Variants in CDH12 observed in about 807,000 individuals in gnomAD.
CDH12 encodes the protein cadherin 12, also known as cadherin-12.
In CDH12, 41 loss-of-function variants were observed where a neutral mutation model predicts 74.1. The observed-to-expected ratio is 0.55, with a 90% CI of 0.43 to 0.72. The LOEUF is 0.72. Among genes scored for constraint, CDH12 ranks in the 30% least tolerant of loss-of-function variants. CDH12 has a pLI of 0.00. For synonymous variants in CDH12, 399 were observed against 355.0 expected, an observed-to-expected ratio of 1.12 and a Z score of -1.39; for missense variants, 945 against 977.2, an observed-to-expected ratio of 0.97 and a Z score of 0.44.
chr5:21,787,615 G>T (rs1230134974), intron 10 of CDH12, among the ~76,000 whole-genome samples: 3 of 152,064 alleles, frequency 2.0e-5, no homozygotes, highest in African/African-American at 7.2e-5. Flanking sequence ...TATATCCAGG[G>T]TATATCTGTA....
In CDH12 at chr5:22,761,013, T is replaced by G. The variant is rs575955237; in HGVS notation, c.-523+92045A>C. On this transcript the variant is annotated intron_variant, in intron 1 of 14. Transcript: ENST00000382254. Reference sequence around the variant, plus strand: ...ATATCAGTTGTTTGAGCAATATGTTTTGCATTCTTATATCATTTTACAAAC... The same window carrying G: ...ATATCAGTTGTTTGAGCAATATGTTGTGCATTCTTATATCATTTTACAAAC... Among the ~76,000 whole-genome samples the G allele has an allele frequency of 1.8e-4, 27 of 152,332 alleles. No homozygotes were observed. In the East Asian group the frequency reaches 4.2e-3, roughly 24 times the overall value.
intron 5 of CDH12, among the ~76,000 whole-genome samples, chr5:21,988,490 T>TAAAA (rs1757610087): frequency 5.5e-5 from 1 of 18,330 alleles, no homozygotes; most frequent in Non-Finnish European, 9.1e-5. Flanking sequence ...AGACTCCGTC[T>TAAAA]CAAAAAAAAA....
chr5:22,225,452 C>G (rs1212800010), intron 3 of CDH12, among the ~76,000 whole-genome samples: 2 of 151,980 alleles, frequency 1.3e-5, no homozygotes, highest in Non-Finnish European at 2.9e-5. Context: ...ACTGAAATGA[C>G]ATTAAAAATC....
intron 5 of CDH12, among the ~76,000 whole-genome samples, chr5:22,077,168 T>C (rs2150223946): frequency 6.6e-6 from 1 of 152,108 alleles, no homozygotes; most frequent in East Asian, 1.9e-4. Flanking sequence ...TTTTTAAACA[T>C]AGATAGGTGC....
In CDH12 at chr5:22,166,079, G is replaced by A. The variant is rs573904908; in HGVS notation, c.-187+46419C>T. On this transcript the variant is annotated intron_variant, in intron 4 of 14. Coordinates refer to ENST00000382254, the MANE Select transcript of CDH12 (RefSeq NM_004061.5). ...TCACTTTACTCTGTGGACTCACCAC[G>A]AATTCTTTTTTGTGTGAAATCCAAG... Among the ~76,000 whole-genome samples the A allele has an allele frequency of 4.6e-5, 7 of 152,188 alleles. No individual in the cohort carries two copies. The South Asian group carries it at 6.2e-4, about 14-fold the overall frequency.
intron 6 of CDH12, chr5:21,883,257 T>C (rs754832600): frequency 1.1e-4 from 143 of 1,350,214 alleles, no homozygotes; most frequent in Non-Finnish European, 1.4e-4. Flanking sequence ...TGATTGAGGG[T>C]ATATTTCTCC....
At chr5:22,631,834 G>A (rs1490354431) in intron 1 of CDH12, among the ~76,000 whole-genome samples, 13 of 152,052 alleles carry the variant, frequency 8.5e-5, no homozygotes, top group Non-Finnish European at 1.8e-4. Flanking sequence ...GAATCGAGAG[G>A]TGCTAAACAC....
chr5:21,875,006 C>G (rs1461745401), intron 6 of CDH12, among the ~76,000 whole-genome samples: 16 of 152,180 alleles, frequency 1.1e-4, no homozygotes, highest in Non-Finnish European at 4.4e-5. Flanking sequence ...ACAAGAACCC[C>G]TAGTAACAAA....
rs1356501759 is a variant in CDH12 at position 22,565,790 on chromosome 5, C to T, written c.-522-60426G>A. 2.6e-5 allele frequency among the ~76,000 whole-genome samples: 4 copies of T among 152,084 alleles called. 1 individual carries two copies. The highest frequency in any genetic ancestry group is 4.2e-4 in the South Asian group (2 of 4,814). On this transcript the variant is annotated intron_variant, in intron 1 of 14. Coordinates refer to ENST00000382254, the MANE Select transcript of CDH12 (RefSeq NM_004061.5). ...CACAGAGTTTGCTGTGATCTGTAGT[C>T]TCCTACATTTTTCTACACTGAAACT... is the stretch of plus-strand genomic sequence containing the variant.
intron 4 of CDH12, among the ~76,000 whole-genome samples, chr5:22,088,888 C>T (rs564489384): frequency 1.3e-5 from 2 of 152,234 alleles, no homozygotes; most frequent in South Asian, 2.1e-4. Flanking sequence ...GTGAAAGTGT[C>T]CCCCAAGGTA....
rs151191001 is a variant in CDH12, at chr5:22,816,049, C to T, written c.-523+37009G>A. On this transcript the variant is annotated intron_variant, in intron 1 of 14. Transcript: ENST00000382254. The stretch of plus-strand genomic sequence containing the variant: ...GGCAATACCACCATTATGAATGCAG[C>T]GATTTTACTTGGTTCTTACCAGAAC... Among the ~76,000 whole-genome samples, 83 of 152,136 alleles carry T rather than the reference C, an allele frequency of 5.5e-4. No homozygotes were observed. In the East Asian group the frequency reaches 7.9e-3, roughly 15 times the overall value.
chr5:21,861,928 A>G lies in CDH12; in HGVS notation c.527-7138T>C, dbSNP rs1012844322. On this transcript the variant is annotated intron_variant, in intron 6 of 14. Coordinates refer to ENST00000382254, the MANE Select transcript of CDH12 (RefSeq NM_004061.5). ...TGTGTGTGTGTGTGTGTGTGTGTGT[A>G]TAAGCTGCACTCTTTCTTAACCCAC... Among the ~76,000 whole-genome samples the G allele has an allele frequency of 2.7e-5, 3 of 109,868 alleles. No homozygotes were observed. The South Asian group carries it at 8.7e-4, about 32-fold the overall frequency. The allele number at this position is 109,868 out of a possible 152,430, so 72.1% of individuals were successfully genotyped here. A position where few individuals can be genotyped will look rare whatever the true frequency, so the allele number is the denominator to read the frequency against.
intron 1 of CDH12, among the ~76,000 whole-genome samples, chr5:22,729,564 G>A (rs76462329): frequency 0.051 from 7,706 of 151,890 alleles, 228 homozygotes; most frequent in Admixed American, 0.074. Context: ...TCATCTTGGG[G>A]ACTGTACTTC....
chr5:21,999,004 T>C (rs1389247159), intron 5 of CDH12, among the ~76,000 whole-genome samples: 1 of 152,194 alleles, frequency 6.6e-6, no homozygotes, highest in Non-Finnish European at 1.5e-5. Context: ...GCCTTAACGG[T>C]CTCCGTTTCC....
chr5:22,374,632 T>C (rs1487917962), intron 3 of CDH12, among the ~76,000 whole-genome samples: 1 of 151,940 alleles, frequency 6.6e-6, no homozygotes, highest in African/African-American at 2.4e-5. Context: ...AAAATCAACA[T>C]AAAAAATCAT....
At chr5:22,713,288 A>G (rs142570638) in intron 1 of CDH12, among the ~76,000 whole-genome samples, 4 of 151,414 alleles carry the variant, frequency 2.6e-5, no homozygotes. Context: ...CTACAGGCAC[A>G]AACCACCATG....
chr5:22,052,501 T>C (rs1740444124), intron 5 of CDH12, among the ~76,000 whole-genome samples: 1 of 152,100 alleles, frequency 6.6e-6, no homozygotes, highest in Non-Finnish European at 1.5e-5. Flanking sequence ...AAATTTAATT[T>C]TGACATTTCT....
chr5:22,784,686 C>T (rs1484935834), intron 1 of CDH12, among the ~76,000 whole-genome samples: 5 of 152,072 alleles, frequency 3.3e-5, no homozygotes, highest in Non-Finnish European at 4.4e-5. Context: ...AGCCTGGTCC[C>T]GTTATAAACT....
chr5:22,405,301 A>G lies in CDH12; in HGVS notation c.-377T>C, dbSNP rs1042032448. Reference sequence around the variant, plus strand: ...TTCTAAGGCCAGCTTATGTATCTCAAATTGTTTTGACCTCCACAGTAACTT... The same window carrying G: ...TTCTAAGGCCAGCTTATGTATCTCAGATTGTTTTGACCTCCACAGTAACTT... On this transcript the variant is annotated 5_prime_UTR_variant, in exon 3 of 15. Transcript: ENST00000382254. The G allele has an allele frequency of 1.0e-6, 1 of 981,786 alleles. No homozygotes were observed. The highest frequency in any genetic ancestry group is 1.7e-5 in the African/African-American group (1 of 57,160). 60.8% of individuals were successfully genotyped at this position (981,786 alleles called of 1,614,324 possible). A position where few individuals can be genotyped will look rare whatever the true frequency, so the allele number is the denominator to read the frequency against.
Sources: gnomAD v4.1 joint callset for allele counts (sites outside exome capture counted in the v4.1 genomes callset) on GRCh38, gnomAD v4.1.1 for gene constraint, MANE v1.5 for transcripts, NCBI Gene and HGNC (gene_info 2026-07-23, HGNC 2026-07-21) for gene names.